Variants in CACNA1F observed in about 807,000 individuals in gnomAD.
CACNA1F encodes voltage-dependent L-type calcium channel subunit alpha-1F.
In CACNA1F, 59 loss-of-function variants were observed where a neutral mutation model predicts 143.8. The observed-to-expected ratio is 0.41, with a 90% CI of 0.33 to 0.51. CACNA1F has a LOEUF of 0.51. Ranked by LOEUF, CACNA1F falls within the 20% of genes least tolerant of loss-of-function variation. The probability of loss-of-function intolerance (pLI) is 0.22; values close to 1 mark genes in which losing one functional copy is unlikely to be tolerated. For missense variants in CACNA1F, 1,411 were observed against 1,647.5 expected, an observed-to-expected ratio of 0.86 and a Z score of 2.48; for synonymous variants, 643 against 649.1, an observed-to-expected ratio of 0.99 and a Z score of 0.14.
Position 49,226,034 on chromosome X carries a change from G to A in CACNA1F, c.1526C>T (p.Ala509Val). 8.4e-7 allele frequency: 1 copy of A among 1,190,831 alleles called. No individual in the cohort carries two copies. Among genetic ancestry groups the A allele is most frequent in the Non-Finnish European group, 1.1e-6 (1 of 884,550 alleles). The change falls in exon 13 of 48, where the codon GCA (alanine) becomes GTA (valine). Residue 509 changes from alanine (A) to valine (V), a missense_variant. Physicochemically the swap from Ala to Val is moderately conservative, Grantham distance 64. Around this residue, in one of 3 missense-constraint regions of CACNA1F, gnomAD observed 950 missense variants for 1,128.1 expected, o/e 0.84. Transcript: ENST00000323022. ...RLRRANRVLR[A>V]RCRRAVKSNA... The stretch of plus-strand genomic sequence containing the variant: ...GGACTTCACTGCCCGACGGCAGCGT[G>A]CCCGAAGGACCCGGTTGGCTCGGCG...
At chrX:49,213,083 A>T (rs782005628) in intron 31 of CACNA1F, 89 bp from the exon 32 acceptor site, 2 of 769,335 alleles carry the variant, frequency 2.6e-6, no homozygotes, top group East Asian at 3.4e-5. Flanking sequence ...GATGGAGCAG[A>T]TATAGGGGGT....
At position 49,218,877 on chromosome X, in the gene CACNA1F, G is replaced by A. The variant is rs782356071; in HGVS notation, c.2733+5C>T. The A allele has an allele frequency of 8.4e-6, 10 of 1,194,321 alleles. No individual in the cohort carries two copies. In the Admixed American group the frequency reaches 2.2e-4, roughly 26 times the overall value. ...TGAGGGTAGGACTGGGGTCCCATTA[G>A]TCACCTTTAGTAGAATCTCCACAGT... is the stretch of plus-strand genomic sequence containing the variant. On this transcript the variant is annotated splice_donor_5th_base_variant and intron_variant, in intron 22 of 47. Transcript: ENST00000323022.
chrX:49,230,993 G>C lies in CACNA1F; in HGVS notation c.382-4C>G. Reference sequence around the variant, plus strand: ...GGAATACGTACTCCACCTGCTCCTGGGGGTGGGACCGGGGGGCGGGTCGGG... The same window carrying C: ...GGAATACGTACTCCACCTGCTCCTGCGGGTGGGACCGGGGGGCGGGTCGGG... On this transcript the variant is annotated splice_region_variant and splice_polypyrimidine_tract_variant and intron_variant, in intron 3 of 47. Transcript: ENST00000323022. 8.4e-7 allele frequency: 1 copy of C among 1,188,212 alleles called. No individual in the cohort carries two copies. Among genetic ancestry groups the C allele is most frequent in the Non-Finnish European group, 1.1e-6 (1 of 876,210 alleles).
intron 14 of CACNA1F, among the ~76,000 whole-genome samples, chrX:49,224,017 C>T (rs1415162687): frequency 9.0e-6 from 1 of 111,360 alleles, no homozygotes; most frequent in Non-Finnish European, 1.9e-5. Context: ...CAGGCGTGAG[C>T]CACCGCATCC....
intron 5 of CACNA1F, 38 bp downstream of exon 5, chrX:49,230,429 C>T (rs782657418): frequency 2.5e-6 from 3 of 1,207,802 alleles, no homozygotes; most frequent in East Asian, 3.0e-5. Context: ...GCCCCACCCC[C>T]ACCCTCCACC....
rs782132499 is a variant in CACNA1F at position 49,205,146 on chromosome X, G to A, written c.5892C>T (p.His1964=). The part of the protein sequence containing the change: ...EDLGDEMACV[H]AL ...GGGGAGGGGTGGGAATTCAGAGGGC[G>A]TGGACGCAGGCCATCTCGTCTCCCA... The change falls in exon 48 of 48, where the codon CAC becomes CAT. Residue 1964 remains histidine (H), a synonymous_variant. Transcript: ENST00000323022. 7.5e-6 allele frequency: 9 copies of A among 1,202,496 alleles called. No homozygotes were observed. The highest frequency in any genetic ancestry group is 3.5e-5 in the African/African-American group (2 of 57,171).
Position 49,206,419 on chromosome X carries a change from AG to A in CACNA1F, c.5472+91del. On this transcript the variant is annotated intron_variant, in intron 46 of 47. Coordinates refer to ENST00000323022, the MANE Select transcript of CACNA1F (RefSeq NM_001256789.3). ...AAAAAAAAAAAAAAAAAAAAAAAAA[AG>A]GGCCTGATATGTGCTGTGTTTGAGA... The A allele has an allele frequency of 2.6e-5, 11 of 422,016 alleles. 1 individual carries two copies. The highest frequency in any genetic ancestry group is 1.5e-4 in the South Asian group (4 of 25,807). The allele number at this position is 422,016 out of a possible 1,213,427, so 34.8% of individuals were successfully genotyped here.
intron 47 of CACNA1F, 28 bp downstream of exon 47, chrX:49,205,588 G>A (rs1450444315): frequency 5.1e-6 from 6 of 1,179,279 alleles, no homozygotes; most frequent in South Asian, 1.8e-5. Flanking sequence ...TCCCCCATCC[G>A]TCTTGTCTAT....
Position 49,205,066 on chromosome X carries a change from G to T in CACNA1F, c.*71C>A. ...CAAAGACAACAAAATCCAGGGATGT[G>T]GTCCATGCCTGCCTCCTGCTGGGGA... On this transcript the variant is annotated 3_prime_UTR_variant, in exon 48 of 48. Coordinates refer to ENST00000323022, the MANE Select transcript of CACNA1F (RefSeq NM_001256789.3). The T allele has an allele frequency of 1.2e-6, 1 of 826,082 alleles. No individual in the cohort carries two copies. 68.1% of individuals were successfully genotyped at this position (826,082 alleles called of 1,213,427 possible).
intron 1 of CACNA1F, 27 bp from the exon 2 acceptor site, chrX:49,231,954 G>C (rs1557111512): frequency 8.6e-7 from 1 of 1,158,885 alleles, no homozygotes; most frequent in East Asian, 3.2e-5. Context: ...TGTCAGGGAG[G>C]GACAGGGTAT....
chrX:49,210,712 GGATTGGC>G (rs2065649297), intron 37 of CACNA1F, 26 bp from the exon 38 acceptor site: 1 of 1,136,673 alleles, frequency 8.8e-7, no homozygotes, highest in Non-Finnish European at 1.2e-6. Flanking sequence ...AGGTACCACT[GGATTGGC>G]GATGCCCCCA....
In CACNA1F at chrX:49,225,041, G is replaced by A. The variant is rs916135371; in HGVS notation, c.1652-55C>T. ...CTGGCCAGTTTCTGTGGTGACATGT[G>A]GGGAGGTAACTAGGGACCATGGGGT... On this transcript the variant is annotated intron_variant, in intron 13 of 47. Coordinates refer to ENST00000323022, the MANE Select transcript of CACNA1F (RefSeq NM_001256789.3). 3.2e-5 allele frequency: 27 copies of A among 855,108 alleles called. No individual in the cohort carries two copies. In the African/African-American group the frequency reaches 5.0e-4, roughly 16 times the overall value. The allele number at this position is 855,108 out of a possible 1,213,427, so 70.5% of individuals were successfully genotyped here.
Position 49,213,717 on chromosome X carries a change from A to T in CACNA1F, c.3792+102T>A, listed in dbSNP as rs782473480. 1.2e-4 allele frequency: 68 copies of T among 579,834 alleles called. No individual in the cohort carries two copies. In the South Asian group the frequency reaches 1.4e-3, roughly 12 times the overall value. 47.8% of individuals were successfully genotyped at this position (579,834 alleles called of 1,213,427 possible). A position where few individuals can be genotyped will look rare whatever the true frequency, so the allele number is the denominator to read the frequency against. ...GACTGAGTCTCCAGGAGTAGGGAGG[A>T]TGTGCGTGGGAGCCACCCACCCACG... is the stretch of plus-strand genomic sequence containing the variant. On this transcript the variant is annotated intron_variant, in intron 31 of 47. Coordinates refer to ENST00000323022, the MANE Select transcript of CACNA1F (RefSeq NM_001256789.3).
chrX:49,205,539 T>G, intron 47 of CACNA1F, 77 bp downstream of exon 47: 1 of 1,012,926 alleles, frequency 9.9e-7, no homozygotes, highest in Non-Finnish European at 1.4e-6. Context: ...ACCTGGGGAC[T>G]CCTTTCCGTC....
chrX:49,226,544 C>T (rs951839549), intron 10 of CACNA1F, 42 bp from the exon 11 acceptor site: 10 of 1,156,756 alleles, frequency 8.6e-6, no homozygotes, highest in East Asian at 6.4e-5. Flanking sequence ...CTGAAGACCC[C>T]GAGGTCCAAT....
intron 10 of CACNA1F, 41 bp from the exon 11 acceptor site, chrX:49,226,543 C>G (rs782383796): frequency 1.5e-4 from 177 of 1,158,130 alleles, no homozygotes; most frequent in Non-Finnish European, 2.0e-4. Flanking sequence ...CCTGAAGACC[C>G]CGAGGTCCAA....
At chrX:49,232,747 G>T (rs1414818470) in intron 1 of CACNA1F, among the ~76,000 whole-genome samples, 3 of 111,535 alleles carry the variant, frequency 2.7e-5, no homozygotes, top group African/African-American at 9.8e-5. Context: ...GTCACACTCA[G>T]TCTAACTCTA....
In CACNA1F at chrX:49,228,396, C is replaced by T. The variant is rs782610668; in HGVS notation, c.869G>A (p.Arg290His). 5.0e-6 allele frequency: 6 copies of T among 1,209,674 alleles called. No homozygotes were observed. In the East Asian group the frequency reaches 1.8e-4, roughly 36 times the overall value. The part of the protein sequence containing the change: ...PSPCASSGSG[R>H]ACTLNQTECR... ...CTCAGTCTGGTTCAGCGTGCACGCA[C>T]GCCCTGATCCCGAAGACGCACAGGG... The change falls in exon 7 of 48, where the codon CGT (arginine) becomes CAT (histidine). Residue 290 changes from arginine to histidine, a missense_variant. This residue lies in a region of CACNA1F where 950 missense variants were observed against 1,128.1 expected (regional missense o/e 0.84). Coordinates refer to ENST00000323022, the MANE Select transcript of CACNA1F (RefSeq NM_001256789.3).
intron 8 of CACNA1F, among the ~76,000 whole-genome samples, chrX:49,227,683 A>G (rs1449108637): frequency 1.8e-5 from 2 of 112,120 alleles, no homozygotes; most frequent in African/African-American, 3.2e-5. Flanking sequence ...TGACATCCCT[A>G]TTTATAATCA....
Sources: allele counts gnomAD v4.1 joint callset (sites outside exome capture counted in the v4.1 genomes callset), GRCh38; gene constraint gnomAD v4.1.1; regional missense constraint gnomAD v4.1.1; transcripts MANE v1.5; gene names NCBI Gene and HGNC (gene_info 2026-07-23, HGNC 2026-07-21).